The following CHSY3 variants were observed in gnomAD, a reference collection of about 807,000 sequenced individuals.
The protein encoded by CHSY3 is chondroitin sulfate synthase 3.
A neutral mutation model predicts 67.2 loss-of-function variants in CHSY3; 35 were observed. That is an observed-to-expected ratio of 0.52 (90% confidence interval 0.40 to 0.69). The LOEUF is 0.69. Among genes scored for constraint, CHSY3 ranks in the 30% least tolerant of loss-of-function variants. The pLI is 0.00. For synonymous variants in CHSY3, 474 were observed against 434.7 expected (o/e 1.09, Z -1.12); for missense variants, 1,069 against 1,138.5 (o/e 0.94, Z 0.88).
intron 2 of CHSY3, among the ~76,000 whole-genome samples, chr5:130,049,301 A>G (rs1272059812): frequency 6.6e-6 from 1 of 152,142 alleles, no homozygotes; most frequent in Non-Finnish European, 1.5e-5. Flanking sequence ...AGATATTTTT[A>G]AAAATTCTTT....
chr5:130,100,712 T>A (rs1767213702), intron 2 of CHSY3, among the ~76,000 whole-genome samples: 1 of 152,198 alleles, frequency 6.6e-6, no homozygotes, highest in African/African-American at 2.4e-5. Context: ...AAACTAACTT[T>A]ATGAAGTTCA....
At chr5:130,025,459 A>G (rs146093063) in intron 2 of CHSY3, among the ~76,000 whole-genome samples, 249 of 152,294 alleles carry the variant, frequency 1.6e-3, no homozygotes, top group African/African-American at 5.8e-3. Context: ...GTTCTGGCTC[A>G]CAAAATAGAT....
chr5:130,007,037 A>G (rs1241308740), intron 2 of CHSY3, among the ~76,000 whole-genome samples: 2 of 152,236 alleles, frequency 1.3e-5, no homozygotes, highest in Admixed American at 6.5e-5. Context: ...GGTGATATTC[A>G]TGATGTTAAT....
chr5:130,091,270 T>C (rs1766873823), intron 2 of CHSY3, among the ~76,000 whole-genome samples: 1 of 152,164 alleles, frequency 6.6e-6, no homozygotes, highest in Non-Finnish European at 1.5e-5. Flanking sequence ...TTTAAAAAAG[T>C]GAGACTCTGT....
chr5:130,104,000 T>C (rs1767336223), intron 2 of CHSY3, among the ~76,000 whole-genome samples: 1 of 151,920 alleles, frequency 6.6e-6, no homozygotes, highest in African/African-American at 2.4e-5. Flanking sequence ...TTGATGGACT[T>C]TAAGCATTCA....
chr5:129,952,555 T>G (rs908748406), intron 2 of CHSY3, among the ~76,000 whole-genome samples: 1 of 152,162 alleles, frequency 6.6e-6, no homozygotes, highest in South Asian at 2.1e-4. Context: ...ATTTGAGGAG[T>G]CATATTTTCT....
Position 130,129,671 on chromosome 5 carries a change from T to C in CHSY3, c.1087-54558T>C, listed in dbSNP as rs191568541. On this transcript the variant is annotated intron_variant, in intron 2 of 2. Coordinates refer to ENST00000305031, the MANE Select transcript of CHSY3 (RefSeq NM_175856.5). ...AATTTTAAATTTTGTTATAAAAACA[T>C]TGTAATGGAAAGAACAATGGACCAT... Among the ~76,000 whole-genome samples, 630 of 152,256 alleles carry C rather than the reference T, an allele frequency of 4.1e-3. 5 individuals carry two copies. The highest frequency in any genetic ancestry group is 5.0e-3 in the Non-Finnish European group (337 of 68,016).
At chr5:129,976,735 A>G (rs982951115) in intron 2 of CHSY3, among the ~76,000 whole-genome samples, 1 of 151,976 alleles carries the variant, frequency 6.6e-6, no homozygotes, top group Admixed American at 6.6e-5. Context: ...TTTACTCATG[A>G]TGAAGAAAAC....
chr5:129,980,967 G>A (rs1440428289), intron 2 of CHSY3, among the ~76,000 whole-genome samples: 2 of 151,578 alleles, frequency 1.3e-5, no homozygotes, highest in Non-Finnish European at 2.9e-5. Flanking sequence ...AGCACTTTGG[G>A]AGGCCGAGGC....
intron 2 of CHSY3, among the ~76,000 whole-genome samples, chr5:130,081,099 C>T (rs1580713894): frequency 6.6e-6 from 1 of 152,068 alleles, no homozygotes; most frequent in African/African-American, 2.4e-5. Flanking sequence ...GCAGAGCAGG[C>T]AATGGTTTGT....
At chr5:130,024,549 T>C (rs2149655973) in intron 2 of CHSY3, among the ~76,000 whole-genome samples, 1 of 152,258 alleles carries the variant, frequency 6.6e-6, no homozygotes, top group Middle Eastern at 3.4e-3. Flanking sequence ...CTAATCTGTT[T>C]TAACCCCTAT....
intron 2 of CHSY3, among the ~76,000 whole-genome samples, chr5:130,165,130 G>A (rs1769704554): frequency 6.6e-6 from 1 of 152,114 alleles, no homozygotes; most frequent in African/African-American, 2.4e-5. Context: ...AGAAGGGAGA[G>A]TCATATGATT....
intron 2 of CHSY3, among the ~76,000 whole-genome samples, chr5:130,023,041 T>C (rs1764438641): frequency 6.6e-6 from 1 of 152,030 alleles, no homozygotes; most frequent in Non-Finnish European, 1.5e-5. Context: ...AGAATGTCCT[T>C]GGATATTCCT....
At chr5:130,158,213 C>A (rs971294505) in intron 2 of CHSY3, among the ~76,000 whole-genome samples, 4 of 152,150 alleles carry the variant, frequency 2.6e-5, no homozygotes, top group African/African-American at 9.7e-5. Flanking sequence ...CAGGTCTCAG[C>A]CTTATTTTAT....
intron 2 of CHSY3, among the ~76,000 whole-genome samples, chr5:129,945,681 G>A (rs1270946940): frequency 1.3e-5 from 2 of 152,106 alleles, no homozygotes; most frequent in African/African-American, 4.8e-5. Flanking sequence ...AGACGGGTAG[G>A]TAAAAATTGA....
At chr5:130,184,165 G>T in intron 2 of CHSY3, 64 bp from the exon 3 acceptor site, 1 of 1,344,710 alleles carries the variant, frequency 7.4e-7, no homozygotes, top group Admixed American at 3.2e-5. Flanking sequence ...TTAGTTTATC[G>T]CTGGTTTTCT....
At chr5:129,984,650 A>G (rs1037628784) in intron 2 of CHSY3, among the ~76,000 whole-genome samples, 1 of 151,968 alleles carries the variant, frequency 6.6e-6, no homozygotes, top group Non-Finnish European at 1.5e-5. Flanking sequence ...AGAACTGTAC[A>G]TGTTCCCTTT....
chr5:130,091,887 T>A (rs570988843), intron 2 of CHSY3, among the ~76,000 whole-genome samples: 1 of 152,052 alleles, frequency 6.6e-6, no homozygotes, highest in South Asian at 2.1e-4. Context: ...GAGTTCAAAA[T>A]GAGATTCCAT....
At chr5:130,162,094 G>A (rs1769567685) in intron 2 of CHSY3, among the ~76,000 whole-genome samples, 1 of 149,092 alleles carries the variant, frequency 6.7e-6, no homozygotes, top group South Asian at 2.1e-4. Context: ...GACTATCCTT[G>A]TATAGTGTTT....
Sources: gnomAD v4.1 joint callset for allele counts (sites outside exome capture counted in the v4.1 genomes callset) on GRCh38, gnomAD v4.1.1 for gene constraint, MANE v1.5 for transcripts, NCBI Gene and HGNC (gene_info 2026-07-23, HGNC 2026-07-21) for gene names.